SLC45A1: variants seen among roughly 807,000 people sequenced by gnomAD.
The protein encoded by SLC45A1 is solute carrier family 45 member 1, also known as proton-associated sugar transporter A.
SLC45A1 carries 28 observed loss-of-function variants against 57.6 expected under a neutral mutation model. That is an observed-to-expected ratio of 0.49 (90% CI 0.36 to 0.67). The LOEUF (loss-of-function observed/expected upper bound fraction) is 0.67, where lower values mean the gene tolerates loss of function less well. Ranked by LOEUF, SLC45A1 falls within the 30% of genes least tolerant of loss-of-function variation. The pLI, the probability that SLC45A1 is intolerant of heterozygous loss-of-function variation, is 0.00. For synonymous variants in SLC45A1, 459 were observed against 471.5 expected (o/e 0.97, Z 0.34); for missense variants, 814 against 1,041.5 (o/e 0.78, Z 3.01).
intron 4 of SLC45A1, among the ~76,000 whole-genome samples, chr1:8,329,602 T>TG (rs896990872): frequency 6.6e-6 from 1 of 152,258 alleles, no homozygotes; most frequent in African/African-American, 2.4e-5. Context: ...AGGGCTGGGC[T>TG]GGCCGGTGCC....
intron 5 of SLC45A1, among the ~76,000 whole-genome samples, chr1:8,332,532 G>A (rs4908751): frequency 0.27 from 39,307 of 146,046 alleles, 5,581 homozygotes; most frequent in Non-Finnish European, 0.3. Context: ...TTTTTTTTGA[G>A]ACAGAGTCTT....
At chr1:8,323,952 G>A (rs1007588485) in intron 1 of SLC45A1, among the ~76,000 whole-genome samples, 1 of 152,298 alleles carries the variant, frequency 6.6e-6, no homozygotes, top group Non-Finnish European at 1.5e-5. Flanking sequence ...GAAATGGGCC[G>A]CAGGTCCTAA....
At chr1:8,337,733 A>G in intron 6 of SLC45A1, 83 bp from the exon 7 acceptor site, 2 of 1,319,260 alleles carry the variant, frequency 1.5e-6, no homozygotes, top group Non-Finnish European at 2.1e-6. Context: ...TTACTTTTAT[A>G]ACCAGTAGAC....
At position 8,335,342 on chromosome 1, in the gene SLC45A1, G is replaced by C. The variant is rs552875330; in HGVS notation, c.1444-95G>C. On this transcript the variant is annotated intron_variant, in intron 5 of 8. Transcript: ENST00000471889. This position sits in a 1 kb window ranked among gnomAD's most constrained non-coding sequence, Gnocchi z 4.1. ...GACAGACCCTTGCAGCCTCCGTGCG[G>C]TGTTTCCGAGAGCGCATTCCCCTGA... 7 of 1,234,164 alleles carry C rather than the reference G, an allele frequency of 5.7e-6. No homozygotes were observed. The African/African-American group carries it at 9.3e-5, about 16-fold the overall frequency. 76.5% of individuals were successfully genotyped at this position (1,234,164 alleles called of 1,614,324 possible). A position where few individuals can be genotyped will look rare whatever the true frequency, so the allele number is the denominator to read the frequency against.
chr1:8,321,909 G>A (rs1640018210), intron 1 of SLC45A1, among the ~76,000 whole-genome samples: 1 of 150,054 alleles, frequency 6.7e-6, no homozygotes, highest in African/African-American at 2.5e-5. Context: ...GTGGGTGGAT[G>A]GATGGATGGA....
chr1:8,329,881 A>T (rs1640327027), intron 4 of SLC45A1, among the ~76,000 whole-genome samples: 1 of 152,164 alleles, frequency 6.6e-6, no homozygotes, highest in Non-Finnish European at 1.5e-5. Flanking sequence ...GCCCGGTGTC[A>T]ACATTCGCTC....
rs967636069 is a variant in SLC45A1 at position 8,335,643 on chromosome 1, G to A, written c.1597+53G>A. 133 of 1,510,134 alleles carry A rather than the reference G, an allele frequency of 8.8e-5. 1 individual carries two copies. The Admixed American group carries it at 2.7e-3, about 31-fold the overall frequency. The allele number at this position is 1,510,134 out of a possible 1,614,324, so 93.5% of individuals were successfully genotyped here. Reference sequence around the variant, plus strand: ...AGTCCTGGTCCTGCTCAGGGCTCTCGCCCCACTGGCCTCCCAGGATGCCCC... The same window carrying A: ...AGTCCTGGTCCTGCTCAGGGCTCTCACCCCACTGGCCTCCCAGGATGCCCC... On this transcript the variant is annotated intron_variant, in intron 6 of 8. Coordinates refer to ENST00000471889, the MANE Select transcript of SLC45A1 (RefSeq NM_001080397.3). The surrounding 1 kb of genome is among the most constrained non-coding windows in gnomAD (Gnocchi z 4.1).
At position 8,330,476 on chromosome 1, in the gene SLC45A1, C is replaced by T. The variant is rs775869624; in HGVS notation, c.983C>T (p.Ser328Leu). Residue 328 changes from serine to leucine, a missense_variant, in exon 5 of 9, where the codon TCG (serine) becomes TTG (leucine). Ser to Leu is a moderately radical substitution (Grantham distance 145). Transcript: ENST00000471889. The surrounding 1 kb of genome is among the most constrained non-coding windows in gnomAD (Gnocchi z 8.4). ...GAAGGCCCTGGCGACAGCCTCCCGT[C>T]GCACACGGCCACCAACTTCTCCAGC... ...PEEGPGDSLPSHTATNFSSPI... is the reference protein window; with the variant it reads ...PEEGPGDSLPLHTATNFSSPI... 6.8e-6 allele frequency: 11 copies of T among 1,612,702 alleles called. No individual in the cohort carries two copies. The highest frequency in any genetic ancestry group is 4.0e-5 in the African/African-American group (3 of 74,926).
At chr1:8,319,790 C>T (rs905020841) in intron 1 of SLC45A1, among the ~76,000 whole-genome samples, 6 of 152,098 alleles carry the variant, frequency 3.9e-5, no homozygotes, top group South Asian at 2.1e-4. Flanking sequence ...GATCTCAGCT[C>T]GCTACAACCT....
intron 1 of SLC45A1, among the ~76,000 whole-genome samples, chr1:8,323,368 G>A (rs1261302821): frequency 6.6e-6 from 1 of 151,878 alleles, no homozygotes; most frequent in Admixed American, 6.6e-5. Flanking sequence ...GGGGGTGCCT[G>A]TAATCCCAGC....
Position 8,324,347 on chromosome 1 carries a change from C to A in SLC45A1, c.18C>A (p.Ser6Arg), listed in dbSNP as rs376920846. Residue 6 changes from serine (S) to arginine (R), a missense_variant, in exon 2 of 9, where the codon AGC becomes AGA. Ser to Arg is a moderately radical substitution (Grantham distance 110). Transcript: ENST00000471889. MIPAA[S>R]STPPGDALFP... The stretch of plus-strand genomic sequence containing the variant: ...TCCCCACGATGATCCCCGCAGCCAG[C>A]AGCACCCCGCCGGGAGATGCCCTCT... 46 of 1,612,422 alleles carry A rather than the reference C, an allele frequency of 2.9e-5. No individual in the cohort carries two copies. Among genetic ancestry groups the A allele is most frequent in the African/African-American group, 4.0e-5 (3 of 74,898 alleles).
chr1:8,330,413 G>A lies in SLC45A1; in HGVS notation c.920G>A (p.Ser307Asn). The change falls in exon 5 of 9, where the codon AGC becomes AAC. Residue 307 changes from serine (S) to asparagine (N), a missense_variant. Ser to Asn is a conservative substitution (Grantham distance 46). Transcript: ENST00000471889. This position sits in a 1 kb window ranked among gnomAD's most constrained non-coding sequence, Gnocchi z 8.4. Reference protein sequence around the residue: ...SEKRAAMKSPSLPLPPSPPVL... With the variant: ...SEKRAAMKSPNLPLPPSPPVL... ...AAGCGGGCAGCCATGAAGAGCCCCAGCCTCCCGCTGCCCCCGTCCCCACCC... is the reference window on the plus strand; with the variant it reads ...AAGCGGGCAGCCATGAAGAGCCCCAACCTCCCGCTGCCCCCGTCCCCACCC... 2 of 1,611,622 alleles carry A rather than the reference G, an allele frequency of 1.2e-6. No homozygotes were observed. Among genetic ancestry groups the A allele is most frequent in the Non-Finnish European group, 8.5e-7 (1 of 1,179,202 alleles).
chr1:8,318,258 C>G, intron 1 of SLC45A1, 72 bp downstream of exon 1: 1 of 410,480 alleles, frequency 2.4e-6, no homozygotes, highest in Non-Finnish European at 4.4e-6. Flanking sequence ...CGCCCTGGGC[C>G]CCGGGGTAGT....
In SLC45A1 at chr1:8,326,606, TG is replaced by T. The variant is rs974784520; in HGVS notation, c.715+569del. On this transcript the variant is annotated intron_variant, in intron 4 of 8. Transcript: ENST00000471889. This position sits in a 1 kb window ranked among gnomAD's most constrained non-coding sequence, Gnocchi z 5.5. ...TTGCACCTGGAAACGTCAGACAGCTTGGGGGCCATTTAAACAGTGAAACACC... is the reference window on the plus strand; with the variant it reads ...TTGCACCTGGAAACGTCAGACAGCTTGGGGCCATTTAAACAGTGAAACACC... Among the ~76,000 whole-genome samples, 2 of 152,268 alleles carry T rather than the reference TG, an allele frequency of 1.3e-5. No homozygotes were observed. The highest frequency in any genetic ancestry group is 4.2e-4 in the South Asian group (2 of 4,818).
At chr1:8,341,449 G>A (rs1232990684) in intron 8 of SLC45A1, among the ~76,000 whole-genome samples, 1 of 149,540 alleles carries the variant, frequency 6.7e-6, no homozygotes, top group Non-Finnish European at 1.5e-5. Flanking sequence ...GCAGGAGAAT[G>A]GCGTGAATCT....
intron 4 of SLC45A1, among the ~76,000 whole-genome samples, chr1:8,329,857 C>T (rs370623537): frequency 3.4e-4 from 51 of 152,226 alleles, no homozygotes; most frequent in African/African-American, 1.0e-3. Context: ...GAGGGGCCCT[C>T]GGAGGGAGGA....
chr1:8,331,210 T>C (rs903318815), intron 5 of SLC45A1, among the ~76,000 whole-genome samples: 4 of 152,192 alleles, frequency 2.6e-5, no homozygotes, highest in African/African-American at 9.6e-5. Flanking sequence ...ACCCCGTCTC[T>C]ACTTTTTAGT....
chr1:8,323,646 A>C (rs1489472854), intron 1 of SLC45A1, among the ~76,000 whole-genome samples: 1 of 152,118 alleles, frequency 6.6e-6, no homozygotes. Flanking sequence ...ACACTGTCAA[A>C]GCCTCAGTTC....
intron 8 of SLC45A1, among the ~76,000 whole-genome samples, chr1:8,342,222 T>C (rs1370516175): frequency 6.6e-6 from 1 of 152,102 alleles, no homozygotes; most frequent in African/African-American, 2.4e-5. Context: ...AATACATACA[T>C]ACATAAATAA....
Sources: gnomAD v4.1 joint callset for allele counts (sites outside exome capture counted in the v4.1 genomes callset) on GRCh38, gnomAD v4.1.1 for gene constraint, Gnocchi (gnomAD v3.1) non-coding constraint, MANE v1.5 for transcripts, NCBI Gene and HGNC (gene_info 2026-07-23, HGNC 2026-07-21) for gene names.